PCDH19: variants seen among roughly 807,000 people sequenced by gnomAD.
PCDH19 encodes the protein protocadherin-19.
A neutral mutation model predicts 46.2 loss-of-function variants in PCDH19; 6 were observed. The observed-to-expected ratio is 0.13, with a 90% CI of 0.07 to 0.26. PCDH19 has a LOEUF of 0.26. Ranked by LOEUF, PCDH19 falls within the 10% of genes least tolerant of loss-of-function variation. The pLI is 1.00. For synonymous variants in PCDH19, 481 were observed against 415.7 expected, an observed-to-expected ratio of 1.16 and a Z score of -1.91; for missense variants, 740 against 972.3, an observed-to-expected ratio of 0.76 and a Z score of 3.18.
chrX:100,300,035 CT>C (rs1924728565), intron 5 of PCDH19, among the ~76,000 whole-genome samples: 1 of 112,102 alleles, frequency 8.9e-6, no homozygotes, highest in Non-Finnish European at 1.9e-5. Flanking sequence ...TGAAGTCTAA[CT>C]TAGCTTAAAT....
At chrX:100,362,791 C>T (rs1374063777) in intron 3 of PCDH19, among the ~76,000 whole-genome samples, 3 of 95,153 alleles carry the variant, frequency 3.2e-5, no homozygotes, top group East Asian at 3.2e-4. Flanking sequence ...AGCGAGACTC[C>T]GATTCAAAAA....
At chrX:100,382,568 G>GTT (rs1927584684) in intron 3 of PCDH19, among the ~76,000 whole-genome samples, 1 of 112,039 alleles carries the variant, frequency 8.9e-6, no homozygotes, top group African/African-American at 3.2e-5. Flanking sequence ...GCAGGTCACA[G>GTT]GATAAGAAAG....
chrX:100,328,274 C>T (rs943035085), intron 5 of PCDH19, among the ~76,000 whole-genome samples: 1 of 111,604 alleles, frequency 9.0e-6, no homozygotes, highest in African/African-American at 3.3e-5. Context: ...GGGTCCAACA[C>T]GCTTAGAACA....
Position 100,350,744 on chromosome X carries a change from A to G in PCDH19, c.2617-40T>C, listed in dbSNP as rs780135376. 7 of 883,468 alleles carry G rather than the reference A, an allele frequency of 7.9e-6. No homozygotes were observed. The Admixed American group carries it at 1.6e-4, about 20-fold the overall frequency. 72.8% of individuals were successfully genotyped at this position (883,468 alleles called of 1,213,427 possible). ...AAAAATTAAAAAGGTTACACAGATG[A>G]TTCATAAGTAGATTTCGAACTGCCC... is the stretch of plus-strand genomic sequence containing the variant. On this transcript the variant is annotated intron_variant, in intron 3 of 5. Coordinates refer to ENST00000373034, the MANE Select transcript of PCDH19 (RefSeq NM_001184880.2).
At position 100,403,574 on chromosome X, in the gene PCDH19, G is replaced by A. The variant is rs748376717; in HGVS notation, c.2238C>T (p.Ser746=). The change falls in exon 2 of 6, where the codon AGC becomes AGT. Residue 746 remains serine, a synonymous_variant. Coordinates refer to ENST00000373034, the MANE Select transcript of PCDH19 (RefSeq NM_001184880.2). The stretch of plus-strand genomic sequence containing the variant: ...CCTCTGTCTTTTTGTCTTGCTCCTC[G>A]CTAATGGGAGAAACCGAGATGCAAT... The part of the protein sequence containing the change: ...CLHCISVSPI[S]EEQDKKTEEK... 10 of 1,208,528 alleles carry A rather than the reference G, an allele frequency of 8.3e-6. No individual in the cohort carries two copies. Among genetic ancestry groups the A allele is most frequent in the East Asian group, 3.0e-5 (1 of 33,795 alleles).
chrX:100,402,717 G>T lies in PCDH19; in HGVS notation c.2423C>A (p.Thr808Asn). ...KMNVVSCSSL[T>N]SSLNYFDYHQ... is the part of the protein sequence containing the mutation. ...GTAGTCAAAATAGTTGAGGGAGGAG[G>T]TCAGGGAAGAGCAACTGACAACGTT... Residue 808 changes from threonine to asparagine, a missense_variant, in exon 3 of 6, where the codon ACC becomes AAC. Physicochemically the swap from Thr to Asn is moderately conservative, Grantham distance 65 (BLOSUM62 0). This residue lies in a region of PCDH19 where 416 missense variants were observed against 476.8 expected (regional missense o/e 0.87). Coordinates refer to ENST00000373034, the MANE Select transcript of PCDH19 (RefSeq NM_001184880.2). 7.4e-6 allele frequency: 9 copies of T among 1,211,021 alleles called. No individual in the cohort carries two copies. Among genetic ancestry groups the T allele is most frequent in the Non-Finnish European group, 1.0e-5 (9 of 894,763 alleles).
Position 100,406,739 on chromosome X carries a change from A to G in PCDH19, c.1859T>C (p.Val620Ala), listed in dbSNP as rs1343991811. The part of the protein sequence containing the change: ...GDRGFFEIDQ[V>A]NGEVRTTRTF... ...GCGGGTGGTTCTGACTTCGCCATTG[A>G]CCTGGTCTATTTCAAAGAAGCCGCG... The change falls in exon 1 of 6, where the codon GTC (valine) becomes GCC (alanine). Residue 620 changes from valine to alanine, a missense_variant. This residue lies in a region of PCDH19 where 416 missense variants were observed against 476.8 expected (regional missense o/e 0.87). Transcript: ENST00000373034. 1.7e-6 allele frequency: 2 copies of G among 1,209,542 alleles called. No individual in the cohort carries two copies. The highest frequency in any genetic ancestry group is 3.5e-5 in the African/African-American group (2 of 57,013).
At chrX:100,336,717 C>T (rs774833420) in intron 5 of PCDH19, among the ~76,000 whole-genome samples, 1 of 111,839 alleles carries the variant, frequency 8.9e-6, no homozygotes, top group South Asian at 3.8e-4. Flanking sequence ...GGAGGGAAAC[C>T]AATTCAGTGT....
chrX:100,341,757 T>C lies in PCDH19; in HGVS notation c.2848+146A>G, dbSNP rs918906606. ...AAGAATCTGGCTAGGTGTCAGGACA[T>C]CTCAAAAACCTGTAGATGCTGCTGA... On this transcript the variant is annotated intron_variant, in intron 5 of 5. Coordinates refer to ENST00000373034, the MANE Select transcript of PCDH19 (RefSeq NM_001184880.2). The C allele has an allele frequency of 2.4e-5, 13 of 539,530 alleles. No individual in the cohort carries two copies. The African/African-American group carries it at 2.5e-4, about 10-fold the overall frequency. The allele number at this position is 539,530 out of a possible 1,213,427, so 44.5% of individuals were successfully genotyped here. A position where few individuals can be genotyped will look rare whatever the true frequency, so the allele number is the denominator to read the frequency against.
intron 3 of PCDH19, among the ~76,000 whole-genome samples, chrX:100,389,594 T>C (rs771002564): frequency 9.0e-6 from 1 of 111,643 alleles, no homozygotes; most frequent in Non-Finnish European, 1.9e-5. Context: ...GTTAATTAGT[T>C]TGATGGTGGC....
intron 5 of PCDH19, among the ~76,000 whole-genome samples, chrX:100,307,346 C>T (rs1037780203): frequency 4.5e-5 from 5 of 111,742 alleles, no homozygotes; most frequent in East Asian, 2.8e-4. Flanking sequence ...AATCCAGTAT[C>T]CCTTTATGAT....
chrX:100,358,312 T>C (rs1258346854), intron 3 of PCDH19, among the ~76,000 whole-genome samples: 1 of 111,765 alleles, frequency 8.9e-6, no homozygotes, highest in Non-Finnish European at 1.9e-5. Flanking sequence ...AACTCTAGCA[T>C]CCCAGTGACT....
At chrX:100,324,514 A>G (rs929033510) in intron 5 of PCDH19, among the ~76,000 whole-genome samples, 2 of 112,362 alleles carry the variant, frequency 1.8e-5, no homozygotes, top group African/African-American at 6.5e-5. Context: ...ACCCAAAATC[A>G]GAATAAAAGA....
At chrX:100,375,110 A>G (rs1010488733) in intron 3 of PCDH19, among the ~76,000 whole-genome samples, 1 of 111,964 alleles carries the variant, frequency 8.9e-6, no homozygotes, top group African/African-American at 3.2e-5. Flanking sequence ...ATTAAGCCCT[A>G]TATGATTTTT....
intron 3 of PCDH19, among the ~76,000 whole-genome samples, chrX:100,354,809 A>T (rs1200425509): frequency 9.0e-6 from 1 of 111,317 alleles, no homozygotes; most frequent in Non-Finnish European, 1.9e-5. Flanking sequence ...CATTTGAGAG[A>T]GGAAATTTTC....
intron 3 of PCDH19, among the ~76,000 whole-genome samples, chrX:100,364,639 AC>A (rs1927023861): frequency 9.0e-6 from 1 of 110,965 alleles, no homozygotes; most frequent in African/African-American, 3.3e-5. Context: ...GTTATATCTC[AC>A]CCCCACTAGG....
intron 5 of PCDH19, among the ~76,000 whole-genome samples, chrX:100,337,955 AAAAT>A (rs1390054825): frequency 1.8e-4 from 20 of 112,029 alleles, no homozygotes; most frequent in African/African-American, 4.9e-4. Context: ...AACAAAATAA[AAAAT>A]AAATTTAGAC....
At chrX:100,302,836 C>T (rs1924824350) in intron 5 of PCDH19, among the ~76,000 whole-genome samples, 1 of 111,783 alleles carries the variant, frequency 8.9e-6, no homozygotes, top group Non-Finnish European at 1.9e-5. Context: ...CAGCACAGAG[C>T]TGTCAATTAA....
At chrX:100,388,237 C>CAT (rs1927769302) in intron 3 of PCDH19, among the ~76,000 whole-genome samples, 1 of 108,808 alleles carries the variant, frequency 9.2e-6, no homozygotes, top group African/African-American at 3.3e-5. Context: ...CATACACGCA[C>CAT]ATATATATAC....
Sources: allele counts gnomAD v4.1 joint callset (sites outside exome capture counted in the v4.1 genomes callset), GRCh38; gene constraint gnomAD v4.1.1; regional missense constraint gnomAD v4.1.1; transcripts MANE v1.5; gene names NCBI Gene and HGNC (gene_info 2026-07-23, HGNC 2026-07-21).